LRRC37A2: variants seen among roughly 807,000 people sequenced by gnomAD.
The protein encoded by LRRC37A2 is leucine rich repeat containing 37 member A2, also known as leucine-rich repeat-containing protein 37A2.
Under a neutral mutation model 68.8 loss-of-function variants are expected in LRRC37A2, and 9 were observed. That is an observed-to-expected ratio of 0.13 (90% confidence interval 0.08 to 0.23). LRRC37A2 has a LOEUF of 0.23. Ranked by LOEUF, LRRC37A2 falls within the 10% of genes least tolerant of loss-of-function variation. The pLI is 1.00. For missense variants in LRRC37A2, 168 were observed against 950.4 expected (o/e 0.18, Z 10.82); for synonymous variants, 63 against 367.6 (o/e 0.17, Z 9.48).
At chr17:46,932,181 T>C in the LRRC37A2 span, 1 of 1,614,092 alleles carries the variant, frequency 6.2e-7, no homozygotes, top group East Asian at 2.2e-5. Context: ...AGCTTCTGTC[T>C]CGAACCTTCA....
the LRRC37A2 span, among the ~76,000 whole-genome samples, chr17:46,614,021 ATAAGTT>A: frequency 2.2e-5 from 1 of 44,594 alleles, no homozygotes; most frequent in Non-Finnish European, 3.5e-5. Flanking sequence ...ACGCAGAAAA[ATAAGTT>A]AAAGATAGAT....
chr17:46,774,211 G>C, the LRRC37A2 span, among the ~76,000 whole-genome samples: 1 of 152,262 alleles, frequency 6.6e-6, no homozygotes, highest in African/African-American at 2.4e-5. Flanking sequence ...TAGAAAGATG[G>C]TATTTGGGGC....
the LRRC37A2 span, among the ~76,000 whole-genome samples, chr17:46,829,457 C>T: frequency 6.6e-6 from 1 of 152,194 alleles, no homozygotes; most frequent in African/African-American, 2.4e-5. Flanking sequence ...GTGTAAGGCA[C>T]CACGCCTGGC....
At chr17:46,834,547 T>G in the LRRC37A2 span, among the ~76,000 whole-genome samples, 52 of 152,124 alleles carry the variant, frequency 3.4e-4, 1 homozygote, top group Non-Finnish European at 4.4e-5. Context: ...TGCCCCTGAT[T>G]TCATCTCAAG....
chr17:46,952,213 T>C, the LRRC37A2 span, among the ~76,000 whole-genome samples: 1 of 152,226 alleles, frequency 6.6e-6, no homozygotes, highest in Non-Finnish European at 1.5e-5. Context: ...CTCTCCTTCC[T>C]GTGGAAAACC....
At chr17:46,864,080 T>C in the LRRC37A2 span, among the ~76,000 whole-genome samples, 92 of 152,340 alleles carry the variant, frequency 6.0e-4, no homozygotes, top group African/African-American at 2.1e-3. Context: ...CCCAGAGGCC[T>C]GGCCCTTCCA....
the LRRC37A2 span, among the ~76,000 whole-genome samples, chr17:46,791,446 A>G: frequency 1.3e-5 from 2 of 151,986 alleles, no homozygotes; most frequent in African/African-American, 4.8e-5. Context: ...ACCTCAAGTG[A>G]TCCGCCCGCC....
the LRRC37A2 span, among the ~76,000 whole-genome samples, chr17:46,855,375 C>A: frequency 6.6e-6 from 1 of 152,176 alleles, no homozygotes; most frequent in African/African-American, 2.4e-5. Context: ...CAGTTTGGCT[C>A]ACAGAACAGC....
the LRRC37A2 span, among the ~76,000 whole-genome samples, chr17:46,772,376 T>C: frequency 1.3e-5 from 2 of 152,234 alleles, no homozygotes; most frequent in Non-Finnish European, 2.9e-5. Context: ...CAGAGCCGCT[T>C]TCCCCTGGCT....
chr17:46,882,888 T>G, the LRRC37A2 span, among the ~76,000 whole-genome samples: 1 of 152,080 alleles, frequency 6.6e-6, no homozygotes, highest in Non-Finnish European at 1.5e-5. Context: ...AATAGGTGGC[T>G]CTGTGCAGGC....
At chr17:46,958,767 T>C in the LRRC37A2 span, among the ~76,000 whole-genome samples, 2 of 152,186 alleles carry the variant, frequency 1.3e-5, no homozygotes, top group Non-Finnish European at 2.9e-5. Context: ...CTGGGACATT[T>C]AAGTCTGCCT....
the LRRC37A2 span, among the ~76,000 whole-genome samples, chr17:47,006,942 G>A: frequency 6.6e-6 from 1 of 152,136 alleles, no homozygotes; most frequent in Non-Finnish European, 1.5e-5. Context: ...TACCATTTCC[G>A]AATAGTGCTG....
chr17:46,543,703 A>G (rs2055834466), intron 8 of LRRC37A2, among the ~76,000 whole-genome samples: 1 of 151,018 alleles, frequency 6.6e-6, no homozygotes, highest in Admixed American at 6.6e-5. Context: ...GCAAAGTATT[A>G]GCAACTACTG....
the LRRC37A2 span, chr17:46,932,517 A>G: frequency 1.7e-6 from 1 of 575,918 alleles, no homozygotes; most frequent in Non-Finnish European, 3.1e-6. Context: ...GATCAGATAG[A>G]GACAGATGAT....
the LRRC37A2 span, among the ~76,000 whole-genome samples, chr17:47,012,852 C>T: frequency 6.6e-6 from 1 of 152,116 alleles, no homozygotes; most frequent in African/African-American, 2.4e-5. Flanking sequence ...ACCCCATGAC[C>T]CAGCAACTCT....
the LRRC37A2 span, among the ~76,000 whole-genome samples, chr17:46,835,744 T>G: frequency 5.3e-5 from 8 of 152,252 alleles, no homozygotes; most frequent in South Asian, 8.3e-4. Flanking sequence ...GGAGAATACA[T>G]CTCCTAATGC....
Position 46,535,068 on chromosome 17 carries a change from A to AT in LRRC37A2, c.2907-5102dup, listed in dbSNP as rs1327298928. Among the ~76,000 whole-genome samples the AT allele has an allele frequency of 2.0e-5, 3 of 147,916 alleles. 1 individual carries two copies. The highest frequency in any genetic ancestry group is 2.1e-4 in the South Asian group (1 of 4,714). On this transcript the variant is annotated intron_variant, in intron 6 of 14. Transcript: ENST00000576629. ...GACGGGCATGCCCAGTTATTTTCAA[A>AT]TTTTTTGTAGAGACAGGGTTTTACT... is the stretch of plus-strand genomic sequence containing the variant.
At chr17:46,826,293 G>C in the LRRC37A2 span, among the ~76,000 whole-genome samples, 2 of 152,238 alleles carry the variant, frequency 1.3e-5, no homozygotes, top group Non-Finnish European at 2.9e-5. Flanking sequence ...CTGAGTCCTG[G>C]GAGCCTAATC....
the LRRC37A2 span, among the ~76,000 whole-genome samples, chr17:46,727,842 A>T: frequency 6.6e-6 from 1 of 152,166 alleles, no homozygotes; most frequent in Non-Finnish European, 1.5e-5. Flanking sequence ...TCATCTGTGC[A>T]TGCTTGCTCA....
Sources: allele counts gnomAD v4.1 joint callset (sites outside exome capture counted in the v4.1 genomes callset), GRCh38; gene constraint gnomAD v4.1.1; transcripts MANE v1.5; gene names NCBI Gene and HGNC (gene_info 2026-07-23, HGNC 2026-07-21).